Variants in TAF15 observed in about 807,000 individuals in gnomAD.
TAF15 encodes the protein TATA-binding protein-associated factor 2N.
A neutral mutation model predicts 102.5 loss-of-function variants in TAF15; 37 were observed. That is an observed-to-expected ratio of 0.36 (90% CI 0.28 to 0.47). TAF15 has a LOEUF of 0.47. TAF15 is among the 20% of genes least tolerant of loss of function. The pLI, the probability that TAF15 is intolerant of heterozygous loss-of-function variation, is 0.99. For synonymous variants in TAF15, 273 were observed against 259.2 expected (o/e 1.05, Z -0.51); for missense variants, 652 against 760.7 (o/e 0.86, Z 1.68).
intron 7 of TAF15, among the ~76,000 whole-genome samples, chr17:35,831,482 T>A (rs925085916): frequency 2.0e-5 from 3 of 152,290 alleles, no homozygotes; most frequent in Non-Finnish European, 4.4e-5. Context: ...TAAATGTCAT[T>A]TGTTTTATAT....
At chr17:35,845,708 A>G (rs1300137101) in intron 15 of TAF15, among the ~76,000 whole-genome samples, 1 of 152,124 alleles carries the variant, frequency 6.6e-6, no homozygotes, top group African/African-American at 2.4e-5. Context: ...ACGGGGTTTC[A>G]CCATGTTAGA....
intron 7 of TAF15, 74 bp downstream of exon 7, chr17:35,824,272 G>A: frequency 6.4e-7 from 1 of 1,569,316 alleles, no homozygotes; most frequent in Non-Finnish European, 8.6e-7. Flanking sequence ...TTACTTGGCT[G>A]GATCAATTCC....
At position 35,844,260 on chromosome 17, in the gene TAF15, A is replaced by G; in HGVS notation, c.1089-20A>G. The G allele has an allele frequency of 6.2e-7, 1 of 1,613,562 alleles. No individual in the cohort carries two copies. The highest frequency in any genetic ancestry group is 8.5e-7 in the Non-Finnish European group (1 of 1,179,486). On this transcript the variant is annotated intron_variant, in intron 13 of 15. Coordinates refer to ENST00000605844, the MANE Select transcript of TAF15 (RefSeq NM_139215.3). ...CCATTAGAAACTATATAGGAGCATT[A>G]TATTTTCCTCCTTTCTTAGGTCATG...
chr17:35,845,416 C>T (rs531915420), intron 15 of TAF15, among the ~76,000 whole-genome samples: 213 of 152,090 alleles, frequency 1.4e-3, no homozygotes, highest in African/African-American at 4.5e-3. Flanking sequence ...CACCACACCT[C>T]GCCAATTTTT....
rs1314983510 is a variant in TAF15 at position 35,836,237 on chromosome 17, T to C, written c.779T>C (p.Ile260Thr). 2 of 1,580,906 alleles carry C rather than the reference T, an allele frequency of 1.3e-6. No homozygotes were observed. Among genetic ancestry groups the C allele is most frequent in the Non-Finnish European group, 1.7e-6 (2 of 1,150,164 alleles). ...VGEFFKQIGI[I>T]KTNKKTGKPM... ...GAGTTCTTTAAACAAATAGGAATTA[T>C]CAAGGTGAGTAAAAATATTATATGT... The change falls in exon 10 of 16, where the codon ATC (isoleucine) becomes ACC (threonine). Residue 260 changes from isoleucine (I) to threonine (T), a missense_variant. This residue lies in a region of TAF15 where 41 missense variants were observed against 109.1 expected (regional missense o/e 0.38). Transcript: ENST00000605844.
intron 11 of TAF15, among the ~76,000 whole-genome samples, chr17:35,838,847 T>C (rs537945999): frequency 6.6e-6 from 1 of 152,310 alleles, no homozygotes; most frequent in East Asian, 1.9e-4. Context: ...ATTTAAAAGG[T>C]ACAGAGATGG....
At chr17:35,831,546 C>G (rs543767382) in intron 7 of TAF15, among the ~76,000 whole-genome samples, 3 of 152,040 alleles carry the variant, frequency 2.0e-5, no homozygotes, top group African/African-American at 7.2e-5. Context: ...AGTTATATTA[C>G]TGGCCAGAAT....
intron 1 of TAF15, among the ~76,000 whole-genome samples, chr17:35,812,592 A>C (rs974463689): frequency 6.8e-6 from 1 of 146,136 alleles, no homozygotes; most frequent in African/African-American, 2.4e-5. Context: ...TCAAAAAAAA[A>C]AAAAAAAAAA....
At chr17:35,831,338 C>G (rs1045709624) in intron 7 of TAF15, among the ~76,000 whole-genome samples, 79 of 149,796 alleles carry the variant, frequency 5.3e-4, no homozygotes, top group Admixed American at 8.7e-4. Flanking sequence ...ACCCAGGAGG[C>G]GGAGCTTGCA....
At chr17:35,825,527 TATAGTACATC>T (rs67805974) in intron 7 of TAF15, among the ~76,000 whole-genome samples, 20,653 of 152,206 alleles carry the variant, frequency 0.14, 1,562 homozygotes, top group East Asian at 0.22. Flanking sequence ...CTATATGTTT[TATAGTACATC>T]ATAGCTTTAG....
At chr17:35,822,574 C>T (rs1374734340) in intron 5 of TAF15, 66 bp from the exon 6 acceptor site, 2 of 1,503,486 alleles carry the variant, frequency 1.3e-6, no homozygotes, top group East Asian at 4.8e-5. Context: ...ACATCAGTTT[C>T]AGCCAACTTG....
intron 6 of TAF15, 79 bp from the exon 7 acceptor site, chr17:35,823,999 T>C: frequency 6.3e-7 from 1 of 1,589,374 alleles, no homozygotes; most frequent in South Asian, 1.1e-5. Context: ...ATGTGTGGCC[T>C]AAAGAGCCAT....
chr17:35,812,693 A>G (rs575189823), intron 1 of TAF15, among the ~76,000 whole-genome samples: 56 of 152,230 alleles, frequency 3.7e-4, no homozygotes, highest in African/African-American at 1.3e-3. Flanking sequence ...ATATGTTCAT[A>G]GTAAATTGCA....
intron 6 of TAF15, 49 bp downstream of exon 6, chr17:35,822,882 T>A: frequency 6.2e-7 from 1 of 1,600,936 alleles, no homozygotes. Context: ...TCAGAATTAT[T>A]TGTATGAATT....
At chr17:35,809,599 A>T (rs1279931334) in intron 1 of TAF15, 23 bp downstream of exon 1, 6 of 1,613,122 alleles carry the variant, frequency 3.7e-6, no homozygotes, top group Non-Finnish European at 5.1e-6. Context: ...TTCAGCGAGC[A>T]GCGGCAGCGA....
At chr17:35,838,159 G>A (rs1430816166) in intron 10 of TAF15, among the ~76,000 whole-genome samples, 1 of 152,042 alleles carries the variant, frequency 6.6e-6, no homozygotes, top group Non-Finnish European at 1.5e-5. Context: ...TCCAACCTGG[G>A]TGACAGAGTG....
chr17:35,834,014 A>T, intron 8 of TAF15, 73 bp downstream of exon 8: 3 of 1,543,116 alleles, frequency 1.9e-6, no homozygotes, highest in East Asian at 4.5e-5. Flanking sequence ...TATCCCGCAG[A>T]TGTAGTCAAA....
At chr17:35,839,080 A>G (rs2087509528) in intron 11 of TAF15, among the ~76,000 whole-genome samples, 1 of 152,028 alleles carries the variant, frequency 6.6e-6, no homozygotes, top group African/African-American at 2.4e-5. Flanking sequence ...AGCCTGGGCA[A>G]CATAGAGCTT....
chr17:35,828,981 ATGC>A (rs907576611), intron 7 of TAF15, among the ~76,000 whole-genome samples: 2 of 152,208 alleles, frequency 1.3e-5, no homozygotes, highest in African/African-American at 2.4e-5. Context: ...ATGTTGATAA[ATGC>A]TGAATCCAGA....
Sources: gnomAD v4.1 joint callset for allele counts (sites outside exome capture counted in the v4.1 genomes callset) on GRCh38, gnomAD v4.1.1 for gene constraint, gnomAD v4.1.1 regional missense constraint, MANE v1.5 for transcripts, NCBI Gene and HGNC (gene_info 2026-07-23, HGNC 2026-07-21) for gene names.